CMC1: variants seen among roughly 807,000 people sequenced by gnomAD.
CMC1 encodes the protein COX assembly mitochondrial protein homolog.
Under a neutral mutation model 14.1 loss-of-function variants are expected in CMC1, and 14 were observed. The ratio of observed to expected loss-of-function variants is 0.99; its 90% CI spans 0.66 to 1.55. The LOEUF (loss-of-function observed/expected upper bound fraction) is 1.55, where lower values mean the gene tolerates loss of function less well. Ranked by LOEUF, CMC1 falls within the 40% of genes most tolerant of loss-of-function variation. CMC1 has a pLI of 0.00. For synonymous variants in CMC1, 50 were observed against 38.4 expected, an observed-to-expected ratio of 1.30 and a Z score of -1.12; for missense variants, 127 against 123.8, an observed-to-expected ratio of 1.03 and a Z score of -0.12.
intron 1 of CMC1, among the ~76,000 whole-genome samples, chr3:28,258,666 C>CTGGA (rs1360223607): frequency 5.0e-5 from 7 of 139,742 alleles, no homozygotes; most frequent in Non-Finnish European, 6.0e-5. Context: ...GTCACCCAGG[C>CTGGA]TGGAGTTCAG....
At position 28,279,958 on chromosome 3, in the gene CMC1, C is replaced by T. The variant is rs1013211690; in HGVS notation, c.109+16578C>T. 1.2e-4 allele frequency among the ~76,000 whole-genome samples: 18 copies of T among 152,106 alleles called. 1 individual carries two copies. Among genetic ancestry groups the T allele is most frequent in the Non-Finnish European group, 1.5e-5 (1 of 68,024 alleles). ...TACGTAAACAAAAAAGGCCTGTATGCTAATATTTATAGTAGTGTATCTATC... is the reference window on the plus strand; with the variant it reads ...TACGTAAACAAAAAAGGCCTGTATGTTAATATTTATAGTAGTGTATCTATC... On this transcript the variant is annotated intron_variant, in intron 2 of 3. Transcript: ENST00000466830.
chr3:28,299,905 A>G (rs1701935985), intron 2 of CMC1, among the ~76,000 whole-genome samples: 1 of 152,174 alleles, frequency 6.6e-6, no homozygotes, highest in African/African-American at 2.4e-5. Context: ...CAGCAATATC[A>G]TAAGTGTTGT....
At position 28,305,746 on chromosome 3, in the gene CMC1, C is replaced by A. The variant is rs147597902; in HGVS notation, c.110-10587C>A. 7.7e-3 allele frequency among the ~76,000 whole-genome samples: 1,109 copies of A among 143,658 alleles called. 15 individuals carry two copies. Among genetic ancestry groups the A allele is most frequent in the African/African-American group, 0.027 (1,023 of 38,288 alleles). 94.2% of individuals were successfully genotyped at this position (143,658 alleles called of 152,430 possible). On this transcript the variant is annotated intron_variant, in intron 2 of 3. Transcript: ENST00000466830. ...GAGATCTTAGTCATAAATTTTTTGCCTAGGCCAGTGTCCAGAAGAGTTTTT... is the reference window on the plus strand; with the variant it reads ...GAGATCTTAGTCATAAATTTTTTGCATAGGCCAGTGTCCAGAAGAGTTTTT...
chr3:28,271,965 A>G (rs961685235), intron 2 of CMC1, among the ~76,000 whole-genome samples: 7 of 152,004 alleles, frequency 4.6e-5, no homozygotes, highest in African/African-American at 1.4e-4. Context: ...ATTCCTAGGT[A>G]TTTTATTCTC....
At chr3:28,247,698 A>T (rs1194705364) in intron 1 of CMC1, among the ~76,000 whole-genome samples, 2 of 152,214 alleles carry the variant, frequency 1.3e-5, no homozygotes, top group African/African-American at 4.8e-5. Context: ...TAGTAGTGAG[A>T]GTTCAGATAG....
chr3:28,283,040 C>T (rs1446928906), intron 2 of CMC1, among the ~76,000 whole-genome samples: 2 of 152,122 alleles, frequency 1.3e-5, no homozygotes, highest in African/African-American at 2.4e-5. Flanking sequence ...AAAGTATTTC[C>T]GTAGTTCAAC....
intron 1 of CMC1, among the ~76,000 whole-genome samples, chr3:28,243,109 G>T (rs1025244196): frequency 3.3e-5 from 5 of 152,020 alleles, no homozygotes; most frequent in Admixed American, 2.0e-4. Context: ...AGGCTGGAGT[G>T]CAGTGGCGCT....
At position 28,302,375 on chromosome 3, in the gene CMC1, A is replaced by G. The variant is rs572752069; in HGVS notation, c.110-13958A>G. On this transcript the variant is annotated intron_variant, in intron 2 of 3. Transcript: ENST00000466830. ...CAGTTGCTTTTATCAATACCTATCA[A>G]TGAATTGGCCTTTTAACATTGGAGA... Among the ~76,000 whole-genome samples, 3 of 152,282 alleles carry G rather than the reference A, an allele frequency of 2.0e-5. No homozygotes were observed. In the South Asian group the frequency reaches 6.2e-4, roughly 32 times the overall value.
chr3:28,281,784 G>A (rs1215677359), intron 2 of CMC1, among the ~76,000 whole-genome samples: 1 of 152,136 alleles, frequency 6.6e-6, no homozygotes, highest in African/African-American at 2.4e-5. Flanking sequence ...GTTATCAACT[G>A]GACCTTGAAG....
At chr3:28,252,657 G>C (rs1311491155) in intron 1 of CMC1, among the ~76,000 whole-genome samples, 1 of 152,158 alleles carries the variant, frequency 6.6e-6, no homozygotes, top group Non-Finnish European at 1.5e-5. Context: ...CCCTGCTTCA[G>C]CATAACTGTG....
chr3:28,256,271 C>A (rs541102804), intron 1 of CMC1, among the ~76,000 whole-genome samples: 1 of 151,592 alleles, frequency 6.6e-6, no homozygotes, highest in South Asian at 2.1e-4. Context: ...TTGTAGGGAC[C>A]AGTTGGGCAA....
At chr3:28,305,102 G>T (rs1224725932) in intron 2 of CMC1, among the ~76,000 whole-genome samples, 2 of 151,864 alleles carry the variant, frequency 1.3e-5, no homozygotes, top group African/African-American at 4.8e-5. Flanking sequence ...TCCCATTTTG[G>T]ACTCCCCAGT....
intron 1 of CMC1, among the ~76,000 whole-genome samples, chr3:28,258,371 A>C (rs1392042017): frequency 6.6e-6 from 1 of 150,816 alleles, no homozygotes; most frequent in Non-Finnish European, 1.5e-5. Flanking sequence ...GAAACTGTCT[A>C]CTCCAAGGAA....
chr3:28,304,794 G>T (rs1273185134), intron 2 of CMC1, among the ~76,000 whole-genome samples: 1 of 152,074 alleles, frequency 6.6e-6, no homozygotes, highest in Non-Finnish European at 1.5e-5. Context: ...TACTTGTTCT[G>T]AAAGTTTTAT....
In CMC1 at chr3:28,286,548, G is replaced by A. The variant is rs115184477; in HGVS notation, c.109+23168G>A. Among the ~76,000 whole-genome samples the A allele has an allele frequency of 8.5e-3, 1,287 of 152,222 alleles. 29 individuals carry two copies. Among genetic ancestry groups the A allele is most frequent in the African/African-American group, 0.029 (1,225 of 41,544 alleles). On this transcript the variant is annotated intron_variant, in intron 2 of 3. Transcript: ENST00000466830. ...ATTCACATATTCATTTATGAAGTCT[G>A]TTATTCAGGAATATACCTATTTGTA...
intron 2 of CMC1, among the ~76,000 whole-genome samples, chr3:28,311,731 T>C (rs1296953238): frequency 6.6e-6 from 1 of 152,222 alleles, no homozygotes; most frequent in Non-Finnish European, 1.5e-5. Context: ...ACATAAAAGA[T>C]AGCTTTTCTT....
At chr3:28,304,733 A>G (rs1388371855) in intron 2 of CMC1, among the ~76,000 whole-genome samples, 1 of 152,302 alleles carries the variant, frequency 6.6e-6, no homozygotes, top group South Asian at 2.1e-4. Flanking sequence ...TGACTTTAGA[A>G]AGTATAATAA....
chr3:28,319,090 T>C, intron 3 of CMC1: 1 of 362,190 alleles, frequency 2.8e-6, no homozygotes. Flanking sequence ...CTTCCCACAC[T>C]TGCCTTCTAT....
At position 28,324,786 on chromosome 3, in the gene CMC1, T is replaced by G; in HGVS notation, c.*5157T>G. On this transcript the variant is annotated 3_prime_UTR_variant, in exon 4 of 4. Transcript: ENST00000466830. ...CTACATATTTTTAAAAGTTGGAAAC[T>G]AATACAGTTAAAATACAAATAAAGA... is the stretch of plus-strand genomic sequence containing the variant. 5.2e-6 allele frequency: 1 copy of G among 190,624 alleles called. No homozygotes were observed. The highest frequency in any genetic ancestry group is 1.1e-5 in the Non-Finnish European group (1 of 93,760). 11.8% of individuals were successfully genotyped at this position (190,624 alleles called of 1,614,324 possible). A position where few individuals can be genotyped will look rare whatever the true frequency, so the allele number is the denominator to read the frequency against.
Sources: gnomAD v4.1 joint callset for allele counts (sites outside exome capture counted in the v4.1 genomes callset) on GRCh38, gnomAD v4.1.1 for gene constraint, MANE v1.5 for transcripts, NCBI Gene and HGNC (gene_info 2026-07-23, HGNC 2026-07-21) for gene names.